NOS1: variants seen among roughly 807,000 people sequenced by gnomAD.
NOS1 encodes nitric oxide synthase 1, also known as NOS type I.
A neutral mutation model predicts 164.5 loss-of-function variants in NOS1; 51 were observed. The observed-to-expected ratio is 0.31, with a 90% CI of 0.25 to 0.39. The LOEUF is 0.39. Ranked by LOEUF, NOS1 falls within the 10% of genes least tolerant of loss-of-function variation. The pLI is 1.00. For missense variants in NOS1, 1,362 were observed against 1,885.6 expected, an observed-to-expected ratio of 0.72 and a Z score of 5.14; for synonymous variants, 719 against 745.8, an observed-to-expected ratio of 0.96 and a Z score of 0.59.
At chr12:117,334,248 T>C (rs1301780732) in intron 1 of NOS1, among the ~76,000 whole-genome samples, 2 of 152,164 alleles carry the variant, frequency 1.3e-5, no homozygotes, top group African/African-American at 4.8e-5. Flanking sequence ...GCTGTTTCTC[T>C]CTCACACCTT....
Position 117,230,423 on chromosome 12 carries a change from G to C in NOS1, c.3405+1539C>G, listed in dbSNP as rs75956130. On this transcript the variant is annotated intron_variant, in intron 22 of 28. Transcript: ENST00000317775. ...TTCTACCTCTGCCATCTGCTTCCAA[G>C]TCCTTGGAGGTAACTACTTACAGCC... Among the ~76,000 whole-genome samples, 1,351 of 152,312 alleles carry C rather than the reference G, an allele frequency of 8.9e-3. 23 individuals are homozygous for C. The highest frequency in any genetic ancestry group is 0.059 in the East Asian group (307 of 5,182).
intron 2 of NOS1, among the ~76,000 whole-genome samples, chr12:117,315,532 A>G (rs1057191911): frequency 3.9e-5 from 6 of 152,234 alleles, no homozygotes; most frequent in African/African-American, 1.4e-4. Context: ...TTCACCCAGA[A>G]GCAAAATCAG....
intron 3 of NOS1, among the ~76,000 whole-genome samples, chr12:117,302,390 C>G (rs191387009): frequency 2.0e-5 from 3 of 151,886 alleles, no homozygotes; most frequent in Non-Finnish European, 2.9e-5. Context: ...GTCAGGAGAT[C>G]GAGACCATCC....
Position 117,210,351 on chromosome 12 carries a change from G to A in NOS1, c.*4958C>T. 1 of 985,250 alleles carries A rather than the reference G, an allele frequency of 1.0e-6. No homozygotes were observed. Among genetic ancestry groups the A allele is most frequent in the Non-Finnish European group, 1.2e-6 (1 of 829,916 alleles). 61.0% of individuals were successfully genotyped at this position (985,250 alleles called of 1,614,324 possible). A position where few individuals can be genotyped will look rare whatever the true frequency, so the allele number is the denominator to read the frequency against. ...TGGGGACAGCCAGAGAGTATGAATG[G>A]GTTATAAAGGAAGACTAGTTAGTGT... On this transcript the variant is annotated 3_prime_UTR_variant, in exon 29 of 29. Coordinates refer to ENST00000317775, the MANE Select transcript of NOS1 (RefSeq NM_000620.5).
At chr12:117,218,613 G>A (rs749263326) in intron 27 of NOS1, among the ~76,000 whole-genome samples, 1 of 152,042 alleles carries the variant, frequency 6.6e-6, no homozygotes, top group Non-Finnish European at 1.5e-5. Flanking sequence ...TAGCACTCAG[G>A]GAACTCCCCA....
chr12:117,234,456 C>T lies in NOS1; in HGVS notation c.3235+109G>A, dbSNP rs1012539655. The T allele has an allele frequency of 1.6e-5, 18 of 1,152,002 alleles. No individual in the cohort carries two copies. The highest frequency in any genetic ancestry group is 2.1e-5 in the Non-Finnish European group (17 of 812,410). 71.4% of individuals were successfully genotyped at this position (1,152,002 alleles called of 1,614,324 possible). On this transcript the variant is annotated intron_variant, in intron 21 of 28. Transcript: ENST00000317775. This position sits in a 1 kb window ranked among gnomAD's most constrained non-coding sequence, Gnocchi z 4.3. ...TCTCATAGGCTGTTAGCAACAGACA[C>T]CCACTCTCCTGCCTGGACTGGTGAT...
chr12:117,250,997 C>T (rs1871058780), intron 17 of NOS1, among the ~76,000 whole-genome samples: 1 of 152,156 alleles, frequency 6.6e-6, no homozygotes, highest in South Asian at 2.1e-4. Flanking sequence ...TGTGTCTCCC[C>T]CAGATTCATA....
intron 12 of NOS1, among the ~76,000 whole-genome samples, chr12:117,265,026 T>A (rs9658398): frequency 0.023 from 3,521 of 150,498 alleles, 138 homozygotes; most frequent in African/African-American, 0.08. Context: ...AAAAAAAAAA[T>A]TTAGAGATGG....
Position 117,268,028 on chromosome 12 carries a change from G to C in NOS1, c.1941+15C>G, listed in dbSNP as rs761944341. 1 of 1,574,356 alleles carries C rather than the reference G, an allele frequency of 6.4e-7. No individual in the cohort carries two copies. Among genetic ancestry groups the C allele is most frequent in the East Asian group, 2.2e-5 (1 of 44,644 alleles). On this transcript the variant is annotated intron_variant, in intron 11 of 28. Transcript: ENST00000317775. The stretch of plus-strand genomic sequence containing the variant: ...ATTTGAAGCTTGACCCTGGTGGTGC[G>C]GGCCCTGGTGTTACCTGGAAGCTAT...
chr12:117,213,617 GCCAGTGCA>G lies in NOS1; in HGVS notation c.*1684_*1691del. The stretch of plus-strand genomic sequence containing the variant: ...CCACTGTAAAGCCCTTTCAAAGAGG[GCCAGTGCA>G]CTTCCTCTTTAGCAGACACCCAAAC... On this transcript the variant is annotated 3_prime_UTR_variant, in exon 29 of 29. Coordinates refer to ENST00000317775, the MANE Select transcript of NOS1 (RefSeq NM_000620.5). 6.1e-6 allele frequency: 6 copies of G among 985,430 alleles called. No homozygotes were observed. In the South Asian group the frequency reaches 2.3e-4, roughly 39 times the overall value. The allele number at this position is 985,430 out of a possible 1,614,324, so 61.0% of individuals were successfully genotyped here.
At chr12:117,222,052 A>G (rs1028449685) in intron 26 of NOS1, among the ~76,000 whole-genome samples, 6 of 152,026 alleles carry the variant, frequency 3.9e-5, no homozygotes, top group African/African-American at 1.2e-4. Flanking sequence ...TACCCTTCTC[A>G]GTGTTACGGG....
At chr12:117,250,675 C>A (rs1452051327) in intron 17 of NOS1, among the ~76,000 whole-genome samples, 2 of 152,094 alleles carry the variant, frequency 1.3e-5, no homozygotes, top group Admixed American at 6.6e-5. Flanking sequence ...AAAAACATTA[C>A]CCTTTTCTTG....
intron 24 of NOS1, among the ~76,000 whole-genome samples, 196 bp from the exon 25 acceptor site, chr12:117,225,333 G>C (rs1190944521): frequency 6.6e-6 from 1 of 152,200 alleles, no homozygotes; most frequent in Non-Finnish European, 1.5e-5. Context: ...GGGTCCTCAA[G>C]TTCTGGCTAT....
intron 16 of NOS1, among the ~76,000 whole-genome samples, chr12:117,255,582 T>C (rs1272314589): frequency 6.6e-6 from 1 of 152,172 alleles, no homozygotes; most frequent in African/African-American, 2.4e-5. Flanking sequence ...GGTGGCTGTG[T>C]TGTTAGTGTG....
chr12:117,297,578 G>C (rs1873505042), intron 3 of NOS1, among the ~76,000 whole-genome samples: 1 of 152,098 alleles, frequency 6.6e-6, no homozygotes, highest in Non-Finnish European at 1.5e-5. Context: ...TTTTAGTGGA[G>C]ATGGGGTTTC....
chr12:117,258,892 A>C (rs1871670673), intron 15 of NOS1, 134 bp downstream of exon 15: 1 of 633,872 alleles, frequency 1.6e-6, no homozygotes, highest in Non-Finnish European at 2.8e-6. Flanking sequence ...CTTGGATCCA[A>C]ATGGAAATTA....
chr12:117,267,383 T>G (rs1302079091), intron 11 of NOS1, among the ~76,000 whole-genome samples: 2 of 152,128 alleles, frequency 1.3e-5, no homozygotes, highest in African/African-American at 4.8e-5. Flanking sequence ...AGTCAGGAGT[T>G]CAAGACCAGC....
chr12:117,264,594 T>G (rs12811221), intron 12 of NOS1, among the ~76,000 whole-genome samples: 1 of 124,876 alleles, frequency 8.0e-6, no homozygotes. Flanking sequence ...TTTTCCTTCC[T>G]TCCCTCCCTC....
At chr12:117,287,086 G>A (rs367729760) in intron 5 of NOS1, among the ~76,000 whole-genome samples, 175 of 152,050 alleles carry the variant, frequency 1.2e-3, no homozygotes, top group African/African-American at 3.8e-3. Context: ...GTGGTGGTGC[G>A]TGCCCGTAAT....
Sources: gnomAD v4.1 joint callset for allele counts (sites outside exome capture counted in the v4.1 genomes callset) on GRCh38, gnomAD v4.1.1 for gene constraint, Gnocchi (gnomAD v3.1) non-coding constraint, MANE v1.5 for transcripts, NCBI Gene and HGNC (gene_info 2026-07-23, HGNC 2026-07-21) for gene names.